The following DEDD2 variants were observed in gnomAD, a reference collection of about 807,000 sequenced individuals.
DEDD2 encodes death effector domain containing 2.
Under a neutral mutation model 28.9 loss-of-function variants are expected in DEDD2, and 18 were observed. The observed-to-expected ratio is 0.62, with a 90% CI of 0.43 to 0.92. The LOEUF (loss-of-function observed/expected upper bound fraction) is 0.92. DEDD2 is among the 40% of genes least tolerant of loss of function. The pLI, the probability that DEDD2 is intolerant of heterozygous loss-of-function variation, is 0.00. For synonymous variants in DEDD2, 211 were observed against 206.1 expected (o/e 1.02, Z -0.20); for missense variants, 411 against 463.3 (o/e 0.89, Z 1.04).
chr19:42,216,488 T>C (rs1191740672), intron 2 of DEDD2, among the ~76,000 whole-genome samples, 192 bp downstream of exon 2: 1 of 152,262 alleles, frequency 6.6e-6, no homozygotes, highest in Non-Finnish European at 1.5e-5. Context: ...TCATCATCAC[T>C]GATGTGGCCA....
Position 42,207,149 on chromosome 19 carries a change from C to A in DEDD2, c.589+2551G>T, listed in dbSNP as rs375756143. On this transcript the variant is annotated intron_variant, in intron 4 of 4. Coordinates refer to ENST00000596251, the MANE Select transcript of DEDD2 (RefSeq NM_133328.4). ...GGGAGTCACCACCAGGCAACCACCC[C>A]CTCAAACCCTGCCGCGCAAGCCCAC... Among the ~76,000 whole-genome samples the A allele has an allele frequency of 4.9e-4, 75 of 152,290 alleles. No homozygotes were observed. The South Asian group carries it at 0.015, about 30-fold the overall frequency.
upstream of DEDD2, among the ~76,000 whole-genome samples, chr19:42,218,271 C>T (rs2036060789): frequency 6.6e-6 from 1 of 150,478 alleles, no homozygotes; most frequent in African/African-American, 2.5e-5. Context: ...GTTCCTTCCC[C>T]TGATCAAAAC....
In DEDD2 at chr19:42,199,416, G is replaced by C; in HGVS notation, c.*22C>G. On this transcript the variant is annotated 3_prime_UTR_variant, in exon 5 of 5. Transcript: ENST00000596251. This position sits in a 1 kb window ranked among gnomAD's most constrained non-coding sequence, Gnocchi z 7.4. ...AGGTGGCCCGGAGACTTGGAGGTGG[G>C]ATCAATCCTGCCAGTCCTGGATCAG... 6.4e-7 allele frequency: 1 copy of C among 1,562,338 alleles called. No individual in the cohort carries two copies. The highest frequency in any genetic ancestry group is 8.6e-7 in the Non-Finnish European group (1 of 1,159,446).
chr19:42,215,052 C>A, intron 3 of DEDD2, 81 bp downstream of exon 3: 1 of 1,564,158 alleles, frequency 6.4e-7, no homozygotes, highest in Middle Eastern at 2.3e-4. Context: ...GACAGAATAA[C>A]CCCTCAGGCC....
chr19:42,199,899 TC>T lies in DEDD2; in HGVS notation c.590-71del, dbSNP rs1405507977. ...ACACACTTATGGGGAACGCCACCCT[TC>T]CTCCCTCCAGCCTTCTCCCTCCACC... On this transcript the variant is annotated intron_variant, in intron 4 of 4. Coordinates refer to ENST00000596251, the MANE Select transcript of DEDD2 (RefSeq NM_133328.4). This position sits in a 1 kb window ranked among gnomAD's most constrained non-coding sequence, Gnocchi z 7.4. 6.0e-6 allele frequency: 9 copies of T among 1,489,472 alleles called. No individual in the cohort carries two copies. The highest frequency in any genetic ancestry group is 8.1e-6 in the Non-Finnish European group (9 of 1,114,070). The allele number at this position is 1,489,472 out of a possible 1,614,324, so 92.3% of individuals were successfully genotyped here.
chr19:42,206,666 T>G (rs1049861250), intron 4 of DEDD2, among the ~76,000 whole-genome samples: 2 of 152,162 alleles, frequency 1.3e-5, no homozygotes, highest in Admixed American at 1.3e-4. Flanking sequence ...TCAGATGTCC[T>G]GTGTCCAACC....
intron 4 of DEDD2, among the ~76,000 whole-genome samples, chr19:42,206,908 GAGCCTCACTCC>G (rs1169826244): frequency 3.3e-5 from 5 of 152,176 alleles, no homozygotes; most frequent in African/African-American, 4.8e-5. Context: ...CAGATGGGGA[GAGCCTCACTCC>G]AGCCCCACCC....
At position 42,203,552 on chromosome 19, in the gene DEDD2, C is replaced by T. The variant is rs1287893889; in HGVS notation, c.590-3723G>A. 3.3e-5 allele frequency among the ~76,000 whole-genome samples: 5 copies of T among 152,138 alleles called. No homozygotes were observed. In the East Asian group the frequency reaches 5.8e-4, roughly 18 times the overall value. On this transcript the variant is annotated intron_variant, in intron 4 of 4. Transcript: ENST00000596251. Reference sequence around the variant, plus strand: ...CAGGGAGGCTGATCTCAATCCCAATCGCCAGCAGACTCAAGATTCTAGGGC... The same window carrying T: ...CAGGGAGGCTGATCTCAATCCCAATTGCCAGCAGACTCAAGATTCTAGGGC...
rs1192761587 is a variant in DEDD2 at position 42,216,601 on chromosome 19, T to C, written c.328+79A>G. 1.7e-5 allele frequency: 24 copies of C among 1,396,260 alleles called. No homozygotes were observed. In the East Asian group the frequency reaches 5.9e-4, roughly 34 times the overall value. 86.5% of individuals were successfully genotyped at this position (1,396,260 alleles called of 1,614,324 possible). On this transcript the variant is annotated intron_variant, in intron 2 of 4. Coordinates refer to ENST00000596251, the MANE Select transcript of DEDD2 (RefSeq NM_133328.4). The stretch of plus-strand genomic sequence containing the variant: ...AAGCTGCCTGATATGGCACTGTCCG[T>C]ATCAGGGCACCAGGGAGGCCCAGCG...
At chr19:42,207,054 C>T (rs889839597) in intron 4 of DEDD2, among the ~76,000 whole-genome samples, 3 of 152,140 alleles carry the variant, frequency 2.0e-5, no homozygotes, top group African/African-American at 7.2e-5. Flanking sequence ...TTCCTATCTT[C>T]CTTGAGGCAA....
At chr19:42,217,190 A>C in intron 1 of DEDD2, 145 bp from the exon 2 acceptor site, 2 of 646,678 alleles carry the variant, frequency 3.1e-6, no homozygotes, top group South Asian at 3.9e-5. Context: ...CTCCCCCGGG[A>C]GGGAATGGTC....
At chr19:42,214,317 G>A (rs1346138473) in intron 3 of DEDD2, among the ~76,000 whole-genome samples, 1 of 152,134 alleles carries the variant, frequency 6.6e-6, no homozygotes, top group East Asian at 1.9e-4. Flanking sequence ...AATTAGCCAG[G>A]CATGGTGTCA....
At chr19:42,211,886 A>G (rs1363063306) in intron 3 of DEDD2, 2 of 151,698 alleles carry the variant, frequency 1.3e-5, no homozygotes, top group East Asian at 1.9e-4. Flanking sequence ...AAAAATACAA[A>G]ATTAGTCGGG....
chr19:42,205,762 T>C lies in DEDD2; in HGVS notation c.589+3938A>G, dbSNP rs115702679. Among the ~76,000 whole-genome samples, 1,027 of 152,244 alleles carry C rather than the reference T, an allele frequency of 6.7e-3. 14 individuals carry two copies. Among genetic ancestry groups the C allele is most frequent in the African/African-American group, 0.024 (981 of 41,546 alleles). On this transcript the variant is annotated intron_variant, in intron 4 of 4. Transcript: ENST00000596251. ...ATGAGTTGACAATGGCTAAAGCTAG[T>C]CTATCTACTTTGGTGTATTTTCCAT...
rs200005635 is a variant in DEDD2 at position 42,209,832 on chromosome 19, G to A, written c.457C>T (p.Pro153Ser). ...CGACTCCGCCGCTGCCGCTTGGTTGGGGGGGAGCCTGAGGGGAAAAAAATG... is the reference window on the plus strand; with the variant it reads ...CGACTCCGCCGCTGCCGCTTGGTTGAGGGGGAGCCTGAGGGGAAAAAAATG... ...QQGQWETGSPPTKRQRRSRGR... is the reference protein window; with the variant it reads ...QQGQWETGSPSTKRQRRSRGR... The change falls in exon 4 of 5, where the codon CCA becomes TCA. Residue 153 changes from proline to serine, a missense_variant. Pro to Ser is a moderately conservative substitution (Grantham distance 74). Transcript: ENST00000596251. 4.4e-5 allele frequency: 67 copies of A among 1,537,238 alleles called. No individual in the cohort carries two copies. The highest frequency in any genetic ancestry group is 5.4e-5 in the Non-Finnish European group (62 of 1,143,354).
chr19:42,209,525 C>G (rs2035664466), intron 4 of DEDD2, among the ~76,000 whole-genome samples, 175 bp downstream of exon 4: 1 of 152,202 alleles, frequency 6.6e-6, no homozygotes, highest in Non-Finnish European at 1.5e-5. Flanking sequence ...CAACAATGGA[C>G]AGGATGTAGA....
upstream of DEDD2, among the ~76,000 whole-genome samples, chr19:42,218,649 C>T (rs918316954): frequency 2.0e-5 from 3 of 152,214 alleles, no homozygotes; most frequent in Non-Finnish European, 4.4e-5. Context: ...CTCTTCCCAC[C>T]CCCGCAATTA....
rs545773308 is a variant in DEDD2 at position 42,206,846 on chromosome 19, G to A, written c.589+2854C>T. Among the ~76,000 whole-genome samples, 4 of 152,218 alleles carry A rather than the reference G, an allele frequency of 2.6e-5. No homozygotes were observed. In the East Asian group the frequency reaches 5.8e-4, roughly 22 times the overall value. ...AGGCCTCCTTCCACCTCTGGCATTCGGCCTCTCTAAAAAGTAAGCCATTCC... is the reference window on the plus strand; with the variant it reads ...AGGCCTCCTTCCACCTCTGGCATTCAGCCTCTCTAAAAAGTAAGCCATTCC... On this transcript the variant is annotated intron_variant, in intron 4 of 4. Coordinates refer to ENST00000596251, the MANE Select transcript of DEDD2 (RefSeq NM_133328.4).
At chr19:42,207,628 CACTATA>C (rs1467795032) in intron 4 of DEDD2, among the ~76,000 whole-genome samples, 49 of 152,198 alleles carry the variant, frequency 3.2e-4, no homozygotes, top group Non-Finnish European at 7.1e-4. Context: ...CTGTCTTGCC[CACTATA>C]ACGTAAACTC....
Sources: allele counts gnomAD v4.1 joint callset (sites outside exome capture counted in the v4.1 genomes callset), GRCh38; gene constraint gnomAD v4.1.1; non-coding constraint Gnocchi (gnomAD v3.1); transcripts MANE v1.5; gene names NCBI Gene and HGNC (gene_info 2026-07-23, HGNC 2026-07-21).